Variants in SEMA6D observed in about 807,000 individuals in gnomAD.
The protein encoded by SEMA6D is semaphorin 6D.
Under a neutral mutation model 106.6 loss-of-function variants are expected in SEMA6D, and 35 were observed. That is an observed-to-expected ratio of 0.33 (90% CI 0.25 to 0.44). The LOEUF is 0.44. Among genes scored for constraint, SEMA6D ranks in the 20% least tolerant of loss-of-function variants. The pLI is 1.00. For missense variants in SEMA6D, 1,185 were observed against 1,345.9 expected, an observed-to-expected ratio of 0.88 and a Z score of 1.87; for synonymous variants, 499 against 487.7, an observed-to-expected ratio of 1.02 and a Z score of -0.31.
intron 1 of SEMA6D, among the ~76,000 whole-genome samples, chr15:47,741,331 T>C (rs1045253218): frequency 1.3e-5 from 2 of 152,252 alleles, no homozygotes; most frequent in African/African-American, 4.8e-5. Flanking sequence ...GGTGCTTTGT[T>C]AGCATGCAAC....
At chr15:47,524,739 T>G (rs545679470) in intron 3 of SEMA6D, among the ~76,000 whole-genome samples, 36 of 152,262 alleles carry the variant, frequency 2.4e-4, no homozygotes, top group African/African-American at 8.7e-4. Context: ...ATAAGGAAAT[T>G]TACCTTCCCA....
chr15:47,221,606 C>T (rs1001624643), intron 1 of SEMA6D, among the ~76,000 whole-genome samples: 8 of 152,172 alleles, frequency 5.3e-5, no homozygotes, highest in Admixed American at 5.2e-4. Flanking sequence ...TTTTCGCTAA[C>T]TTCTAAAAGA....
intron 3 of SEMA6D, among the ~76,000 whole-genome samples, chr15:47,582,380 C>T (rs150077566): frequency 2.0e-5 from 3 of 152,310 alleles, no homozygotes; most frequent in African/African-American, 7.2e-5. Flanking sequence ...TGGATTGACA[C>T]TTGTTCTTTA....
intron 1 of SEMA6D, among the ~76,000 whole-genome samples, chr15:47,219,107 A>C (rs530663539): frequency 6.6e-6 from 1 of 152,312 alleles, no homozygotes; most frequent in South Asian, 2.1e-4. Flanking sequence ...TGAAGAAGTA[A>C]ATCTTTTTGA....
intron 1 of SEMA6D, among the ~76,000 whole-genome samples, chr15:47,246,924 C>A (rs756567562): frequency 3.9e-5 from 6 of 152,084 alleles, no homozygotes; most frequent in Non-Finnish European, 7.4e-5. Context: ...TGTGTGGCGG[C>A]CAAATGACGA....
At chr15:47,652,939 C>T (rs1033280422) in intron 4 of SEMA6D, among the ~76,000 whole-genome samples, 1 of 152,262 alleles carries the variant, frequency 6.6e-6, no homozygotes, top group East Asian at 1.9e-4. Context: ...TCAGTGACAG[C>T]AACCAAGATT....
intron 2 of SEMA6D, among the ~76,000 whole-genome samples, chr15:47,438,118 G>T (rs1320893806): frequency 6.6e-6 from 1 of 152,008 alleles, no homozygotes; most frequent in Non-Finnish European, 1.5e-5. Flanking sequence ...CATCTTAACT[G>T]CTCACACCCA....
intron 7 of SEMA6D, 59 bp downstream of exon 7, chr15:47,761,810 A>G: frequency 1.5e-6 from 2 of 1,379,194 alleles, no homozygotes; most frequent in South Asian, 2.5e-5. Flanking sequence ...TGAAAAAGGA[A>G]TTTAATGGAA....
chr15:47,764,529 T>C, intron 11 of SEMA6D, 109 bp from the exon 12 acceptor site: 1 of 1,474,962 alleles, frequency 6.8e-7, no homozygotes, highest in Non-Finnish European at 9.2e-7. Context: ...TCACTCACTC[T>C]CCTTCCTCAC....
intron 1 of SEMA6D, among the ~76,000 whole-genome samples, chr15:47,401,040 T>C (rs926651642): frequency 4.6e-5 from 7 of 152,186 alleles, no homozygotes; most frequent in African/African-American, 1.7e-4. Flanking sequence ...TTCCCATCTG[T>C]AAAGGAAAGC....
At chr15:47,431,416 C>T (rs1251189000) in intron 2 of SEMA6D, among the ~76,000 whole-genome samples, 1 of 152,100 alleles carries the variant, frequency 6.6e-6, no homozygotes, top group African/African-American at 2.4e-5. Flanking sequence ...GACTAAATAG[C>T]TTCAAACCCA....
intron 2 of SEMA6D, among the ~76,000 whole-genome samples, chr15:47,468,528 A>G (rs1317281238): frequency 2.0e-5 from 3 of 152,146 alleles, no homozygotes; most frequent in Non-Finnish European, 4.4e-5. Flanking sequence ...CAGAAGAGGC[A>G]GTTGTAGATA....
intron 1 of SEMA6D, among the ~76,000 whole-genome samples, chr15:47,237,571 A>G (rs1595789161): frequency 2.0e-5 from 3 of 151,946 alleles, no homozygotes; most frequent in African/African-American, 7.3e-5. Context: ...AGCTGCTTGA[A>G]TTGGCTTGGT....
At chr15:47,766,959 T>G in intron 16 of SEMA6D, 78 bp from the exon 17 acceptor site, 1 of 799,996 alleles carries the variant, frequency 1.3e-6, no homozygotes, top group East Asian at 2.7e-5. Flanking sequence ...TTTTACTTTT[T>G]TAGTTAATTG....
chr15:47,688,498 T>C (rs1196145607), intron 4 of SEMA6D, among the ~76,000 whole-genome samples: 2 of 152,220 alleles, frequency 1.3e-5, no homozygotes, highest in African/African-American at 2.4e-5. Context: ...TTGAAGGCAT[T>C]GTCATGGGAG....
In SEMA6D at chr15:47,765,749, G is replaced by A. The variant is rs1456885967; in HGVS notation, c.1428-120G>A. The A allele has an allele frequency of 1.4e-5, 13 of 922,946 alleles. 1 individual carries two copies. The highest frequency in any genetic ancestry group is 3.5e-4 in the Middle Eastern group (1 of 2,892). 57.2% of individuals were successfully genotyped at this position (922,946 alleles called of 1,614,324 possible). The stretch of plus-strand genomic sequence containing the variant: ...ACATAATTATTATTTCCCAAGCTAT[G>A]TACTTGCCTGGTTTGTTACCAAGAA... On this transcript the variant is annotated intron_variant, in intron 13 of 18. Coordinates refer to ENST00000536845, the MANE Select transcript of SEMA6D (RefSeq NM_001358351.3).
intron 1 of SEMA6D, among the ~76,000 whole-genome samples, chr15:47,297,663 T>C (rs1333878758): frequency 6.6e-6 from 1 of 152,064 alleles, no homozygotes; most frequent in Non-Finnish European, 1.5e-5. Context: ...TATTACAAAA[T>C]AAGGAAATAA....
intron 1 of SEMA6D, among the ~76,000 whole-genome samples, chr15:47,749,341 A>T (rs1194499767): frequency 1.3e-5 from 2 of 152,086 alleles, no homozygotes; most frequent in African/African-American, 4.8e-5. Context: ...TTGGCCTCCC[A>T]GATTGCTGGG....
At chr15:47,371,278 G>C (rs974348424) in intron 1 of SEMA6D, among the ~76,000 whole-genome samples, 1 of 152,126 alleles carries the variant, frequency 6.6e-6, no homozygotes, top group Non-Finnish European at 1.5e-5. Flanking sequence ...TTTCTGCCAG[G>C]TAAGGATGAC....
Sources: allele counts gnomAD v4.1 joint callset (sites outside exome capture counted in the v4.1 genomes callset), GRCh38; gene constraint gnomAD v4.1.1; transcripts MANE v1.5; gene names NCBI Gene and HGNC (gene_info 2026-07-23, HGNC 2026-07-21).